TMEM229B: variants seen among roughly 807,000 people sequenced by gnomAD.
The protein encoded by TMEM229B is transmembrane protein 229B.
Under a neutral mutation model 13.7 loss-of-function variants are expected in TMEM229B, and 6 were observed. The ratio of observed to expected loss-of-function variants is 0.44; its 90% CI spans 0.24 to 0.86. The LOEUF (loss-of-function observed/expected upper bound fraction) is 0.86. TMEM229B is among the 40% of genes least tolerant of loss of function. The pLI, the probability that TMEM229B is intolerant of heterozygous loss-of-function variation, is 0.23. For synonymous variants in TMEM229B, 107 were observed against 102.1 expected (o/e 1.05, Z -0.29); for missense variants, 170 against 236.0 (o/e 0.72, Z 1.83).
chr14:67,490,687 C>A (rs183646076), upstream of TMEM229B, among the ~76,000 whole-genome samples: 11 of 152,224 alleles, frequency 7.2e-5, no homozygotes, highest in East Asian at 2.1e-3. Flanking sequence ...AAAATCAGAT[C>A]TCTCTCCCCG....
At chr14:67,505,426 T>C (rs2032782390) in intron 1 of TMEM229B, among the ~76,000 whole-genome samples, 1 of 152,070 alleles carries the variant, frequency 6.6e-6, no homozygotes, top group South Asian at 2.1e-4. Context: ...ATCCAAAGGG[T>C]GGGACACACG....
chr14:67,507,015 GC>G lies in TMEM229B; in HGVS notation c.-192+8070del, dbSNP rs1267893866. Among the ~76,000 whole-genome samples the G allele has an allele frequency of 3.3e-5, 5 of 152,042 alleles. 1 individual carries two copies. Among genetic ancestry groups the G allele is most frequent in the Admixed American group, 2.6e-4 (4 of 15,258 alleles). On this transcript the variant is annotated intron_variant, in intron 1 of 2. Transcript: ENST00000357461. ...AAAAGGAAAGAAAGAAAAAGAAAAAGCCTTGTTCAAAGGGAACTGAAGATAG... is the reference window on the plus strand; with the variant it reads ...AAAAGGAAAGAAAGAAAAAGAAAAAGCTTGTTCAAAGGGAACTGAAGATAG...
chr14:67,522,955 A>G (rs1412145282), intron 1 of TMEM229B, among the ~76,000 whole-genome samples: 1 of 152,200 alleles, frequency 6.6e-6, no homozygotes. Flanking sequence ...TCAGATGCCA[A>G]TTAATTAACA....
At position 67,488,471 on chromosome 14, in the gene TMEM229B, C is replaced by T. The variant is rs141058355; in HGVS notation, c.-192+37G>A. 6.4e-3 allele frequency: 983 copies of T among 152,594 alleles called. 5 individuals carry two copies. The highest frequency in any genetic ancestry group is 0.011 in the Non-Finnish European group (743 of 68,206). The allele number at this position is 152,594 out of a possible 1,614,324, so 9.5% of individuals were successfully genotyped here. On this transcript the variant is annotated intron_variant, in intron 1 of 2. Coordinates refer to ENST00000554480, the MANE Select transcript of TMEM229B (RefSeq NM_001348543.2). ...TCCCCCTCCCCAGCTCCTTCACAAACGGGACCCTCCAACCCTCCCTGATCT... is the reference window on the plus strand; with the variant it reads ...TCCCCCTCCCCAGCTCCTTCACAAATGGGACCCTCCAACCCTCCCTGATCT...
At chr14:67,514,443 A>C (rs960563558) in intron 1 of TMEM229B, among the ~76,000 whole-genome samples, 2 of 152,110 alleles carry the variant, frequency 1.3e-5, no homozygotes, top group African/African-American at 4.8e-5. Flanking sequence ...GCAGGTGAAG[A>C]GCTGGCAGCC....
chr14:67,530,557 C>T (rs991656216), intron 1 of TMEM229B, among the ~76,000 whole-genome samples: 1 of 152,200 alleles, frequency 6.6e-6, no homozygotes, highest in African/African-American at 2.4e-5. Flanking sequence ...GGTTAGTTAG[C>T]ATCTGAAGTG....
At chr14:67,505,475 G>C (rs991850111) in intron 1 of TMEM229B, among the ~76,000 whole-genome samples, 3 of 152,198 alleles carry the variant, frequency 2.0e-5, no homozygotes. Context: ...GGAGACTGCT[G>C]AGCTGGGGTC....
At position 67,473,927 on chromosome 14, in the gene TMEM229B, G is replaced by T; in HGVS notation, c.-4C>A. The T allele has an allele frequency of 6.3e-7, 1 of 1,594,734 alleles. No individual in the cohort carries two copies. Among genetic ancestry groups the T allele is most frequent in the Non-Finnish European group, 8.5e-7 (1 of 1,170,892 alleles). On this transcript the variant is annotated 5_prime_UTR_variant, in exon 3 of 3. Coordinates refer to ENST00000554480, the MANE Select transcript of TMEM229B (RefSeq NM_001348543.2). The surrounding 1 kb of genome is among the most constrained non-coding windows in gnomAD (Gnocchi z 6.5). ...TCAGGGGCTCGGCAGACGCCATGGC[G>T]CCGACTGGGGCTGGCTGCGGGGGGC...
chr14:67,525,904 T>A (rs1446022251), intron 1 of TMEM229B, among the ~76,000 whole-genome samples: 1 of 152,154 alleles, frequency 6.6e-6, no homozygotes, highest in East Asian at 1.9e-4. Context: ...CCAGAAGCCA[T>A]CTGAGAGTTT....
At position 67,476,361 on chromosome 14, in the gene TMEM229B, T is replaced by C. The variant is rs1000848926; in HGVS notation, c.-18-2420A>G. On this transcript the variant is annotated intron_variant, in intron 2 of 2. Coordinates refer to ENST00000554480, the MANE Select transcript of TMEM229B (RefSeq NM_001348543.2). ...CAGAACTGTGAGAGGCTGAGGCGGGTGGATCACCTGAGGTCAGGAGTTTGA... is the reference window on the plus strand; with the variant it reads ...CAGAACTGTGAGAGGCTGAGGCGGGCGGATCACCTGAGGTCAGGAGTTTGA... 3.3e-5 allele frequency among the ~76,000 whole-genome samples: 5 copies of C among 151,914 alleles called. No individual in the cohort carries two copies. In the South Asian group the frequency reaches 1.0e-3, roughly 32 times the overall value.
In TMEM229B at chr14:67,473,266, GC is replaced by G. The variant is rs2030891658; in HGVS notation, c.*153del. 1 of 1,040,040 alleles carries G rather than the reference GC, an allele frequency of 9.6e-7. No individual in the cohort carries two copies. Among genetic ancestry groups the G allele is most frequent in the African/African-American group, 1.6e-5 (1 of 62,272 alleles). The allele number at this position is 1,040,040 out of a possible 1,614,324, so 64.4% of individuals were successfully genotyped here. A position where few individuals can be genotyped will look rare whatever the true frequency, so the allele number is the denominator to read the frequency against. On this transcript the variant is annotated 3_prime_UTR_variant, in exon 3 of 3. Transcript: ENST00000554480. The surrounding 1 kb of genome is among the most constrained non-coding windows in gnomAD (Gnocchi z 6.5). Reference sequence around the variant, plus strand: ...ACCTGACCACGGCCCCCCAACACCGGCCCCCGCGGACGTTAGGGGGCTCTGT... The same window carrying G: ...ACCTGACCACGGCCCCCCAACACCGGCCCCGCGGACGTTAGGGGGCTCTGT...
intron 1 of TMEM229B, among the ~76,000 whole-genome samples, chr14:67,511,532 G>GCT (rs552842453): frequency 2.6e-5 from 4 of 152,096 alleles, no homozygotes; most frequent in Non-Finnish European, 5.9e-5. Context: ...ACTCCCTACT[G>GCT]GGAAGCCAGC....
At chr14:67,515,496 C>A, upstream of TMEM229B, 1 of 156,908 alleles carries the variant, frequency 6.4e-6, no homozygotes, top group South Asian at 1.7e-4. Context: ...GACAGGCGCT[C>A]GCCCTGCCGC....
intron 2 of TMEM229B, among the ~76,000 whole-genome samples, chr14:67,479,791 C>G (rs1259944533): frequency 6.6e-6 from 1 of 152,168 alleles, no homozygotes; most frequent in Non-Finnish European, 1.5e-5. Flanking sequence ...AGAAGGTGTT[C>G]AATGAATTTG....
rs769141084 is a variant in TMEM229B, at chr14:67,470,370, C to G, written c.*3050G>C. On this transcript the variant is annotated 3_prime_UTR_variant, in exon 3 of 3. Coordinates refer to ENST00000554480, the MANE Select transcript of TMEM229B (RefSeq NM_001348543.2). ...GCAGGCAATGGGCGCACAAACCGGTCGTGTGTCCTTCTCAAGAGCTGCCCA... is the reference window on the plus strand; with the variant it reads ...GCAGGCAATGGGCGCACAAACCGGTGGTGTGTCCTTCTCAAGAGCTGCCCA... The G allele has an allele frequency of 6.6e-6, 1 of 152,308 alleles. No individual in the cohort carries two copies. The highest frequency in any genetic ancestry group is 6.5e-5 in the Admixed American group (1 of 15,282). 9.4% of individuals were successfully genotyped at this position (152,308 alleles called of 1,614,324 possible).
chr14:67,497,558 C>G lies in TMEM229B; in HGVS notation c.-191-10386G>C, dbSNP rs546485410. ...TCCCACATGACTTTGGAACGTTCTA[C>G]TGGACATCACAGAGGTAAAATGTCC... is the stretch of plus-strand genomic sequence containing the variant. On this transcript the variant is annotated intron_variant, in intron 1 of 2. Coordinates refer to the TMEM229B transcript ENST00000357461. Among the ~76,000 whole-genome samples, 14 of 152,282 alleles carry G rather than the reference C, an allele frequency of 9.2e-5. No homozygotes were observed. In the South Asian group the frequency reaches 2.7e-3, roughly 29 times the overall value.
chr14:67,514,160 G>GGAA (rs1183276295), intron 1 of TMEM229B, among the ~76,000 whole-genome samples: 1 of 152,148 alleles, frequency 6.6e-6, no homozygotes, highest in Non-Finnish European at 1.5e-5. Context: ...TTCCCTCCAG[G>GGAA]GAGAGCCTTG....
chr14:67,503,938 G>A (rs1011814548), intron 1 of TMEM229B, among the ~76,000 whole-genome samples: 13 of 151,788 alleles, frequency 8.6e-5, no homozygotes, highest in African/African-American at 3.1e-4. Flanking sequence ...TCCTGACCTC[G>A]TGATCTGCCT....
intron 1 of TMEM229B, among the ~76,000 whole-genome samples, chr14:67,529,414 T>C (rs577409411): frequency 4.1e-4 from 63 of 152,314 alleles, no homozygotes; most frequent in African/African-American, 1.4e-3. Context: ...CACACTTTCC[T>C]TCCTAGCACA....
Sources: allele counts gnomAD v4.1 joint callset (sites outside exome capture counted in the v4.1 genomes callset), GRCh38; gene constraint gnomAD v4.1.1; non-coding constraint Gnocchi (gnomAD v3.1); transcripts MANE v1.5; gene names NCBI Gene and HGNC (gene_info 2026-07-23, HGNC 2026-07-21).